The following ZSWIM5 variants were observed in gnomAD, a reference collection of about 807,000 sequenced individuals.
ZSWIM5 encodes the protein zinc finger SWIM domain-containing protein 5.
ZSWIM5 carries 55 observed loss-of-function variants against 119.6 expected under a neutral mutation model. The observed-to-expected ratio is 0.46, with a 90% CI of 0.37 to 0.58. The LOEUF (loss-of-function observed/expected upper bound fraction) is 0.58, where lower values mean the gene tolerates loss of function less well. Among genes scored for constraint, ZSWIM5 ranks in the 20% least tolerant of loss-of-function variants. ZSWIM5 has a pLI of 0.00. For missense variants in ZSWIM5, 1,193 were observed against 1,512.8 expected (o/e 0.79, Z 3.51); for synonymous variants, 537 against 606.9 (o/e 0.88, Z 1.69).
chr1:45,022,829 C>T (rs1257104517), intron 11 of ZSWIM5, among the ~76,000 whole-genome samples: 2 of 152,180 alleles, frequency 1.3e-5, no homozygotes, highest in Admixed American at 6.5e-5. Flanking sequence ...ACCATCATAC[C>T]CTCCCATATA....
intron 7 of ZSWIM5, 26 bp from the exon 8 acceptor site, chr1:45,039,099 A>G (rs1645003363): frequency 6.2e-6 from 10 of 1,613,280 alleles, no homozygotes; most frequent in Non-Finnish European, 8.5e-6. Context: ...TTAAAATTTT[A>G]GACAGTGATA....
At chr1:45,158,862 C>G (rs1324967294) in intron 1 of ZSWIM5, among the ~76,000 whole-genome samples, 2 of 152,074 alleles carry the variant, frequency 1.3e-5, no homozygotes, top group South Asian at 4.1e-4. Flanking sequence ...ATTAATATGT[C>G]TTTCTTTTAT....
Position 45,206,097 on chromosome 1 carries a change from C to T in ZSWIM5, c.254G>A (p.Arg85His), listed in dbSNP as rs776474706. The T allele has an allele frequency of 4.3e-6, 7 of 1,611,816 alleles. No homozygotes were observed. The highest frequency in any genetic ancestry group is 3.3e-5 in the South Asian group (3 of 91,008). ...CACGGGCTCCGGGATCCGCTCGAAG[C>T]GCTCCTCCACCCGTTCGTATGCCCA... Reference protein sequence around the residue: ...EKWAYERVEERFERIPEPVQR... With the variant: ...EKWAYERVEEHFERIPEPVQR... The change falls in exon 1 of 14, where the codon CGC becomes CAC. Residue 85 changes from arginine (R) to histidine (H), a missense_variant. Transcript: ENST00000359600.
At chr1:45,050,982 T>C in intron 5 of ZSWIM5, 92 bp downstream of exon 5, 2 of 1,296,312 alleles carry the variant, frequency 1.5e-6, no homozygotes, top group Non-Finnish European at 1.1e-6. Context: ...TTCTGACAGC[T>C]AAAAGGCTAT....
chr1:45,044,810 T>TATATATAAATATATATATATAA (rs1208024064), intron 5 of ZSWIM5, among the ~76,000 whole-genome samples: 6 of 10,998 alleles, frequency 5.5e-4, no homozygotes, highest in Admixed American at 3.0e-3. Flanking sequence ...TATAAATATA[T>TATATATAAATATATATATATAA]ATATATATAT....
intron 1 of ZSWIM5, among the ~76,000 whole-genome samples, chr1:45,142,106 A>T (rs1312542569): frequency 6.6e-6 from 1 of 152,100 alleles, no homozygotes; most frequent in Non-Finnish European, 1.5e-5. Context: ...GCTACTCAGG[A>T]GAACAAGGTG....
intron 5 of ZSWIM5, among the ~76,000 whole-genome samples, chr1:45,046,106 G>T (rs1645053019): frequency 1.3e-5 from 2 of 152,068 alleles, no homozygotes; most frequent in Admixed American, 1.3e-4. Flanking sequence ...CTAGATCATG[G>T]AGGGCCATGT....
intron 1 of ZSWIM5, among the ~76,000 whole-genome samples, chr1:45,167,303 A>T (rs1037187768): frequency 6.1e-4 from 92 of 151,756 alleles, no homozygotes; most frequent in African/African-American, 2.2e-3. Flanking sequence ...CCTTCCTTAC[A>T]CCTTATACAA....
At chr1:45,085,605 T>C (rs1645322631) in intron 2 of ZSWIM5, among the ~76,000 whole-genome samples, 1 of 150,358 alleles carries the variant, frequency 6.7e-6, no homozygotes, top group Non-Finnish European at 1.5e-5. Flanking sequence ...TCAACACTGC[T>C]GCACAGAAAT....
intron 2 of ZSWIM5, among the ~76,000 whole-genome samples, chr1:45,065,970 T>C (rs1335205968): frequency 6.6e-6 from 1 of 151,816 alleles, no homozygotes; most frequent in Admixed American, 6.6e-5. Flanking sequence ...CATTAACTCG[T>C]CATTTAGTAT....
chr1:45,192,316 ATTCTAC>A (rs1646097667), intron 1 of ZSWIM5, among the ~76,000 whole-genome samples: 2 of 152,246 alleles, frequency 1.3e-5, no homozygotes, highest in Admixed American at 1.3e-4. Context: ...GACAACCTCT[ATTCTAC>A]TTCTATCTCT....
intron 11 of ZSWIM5, among the ~76,000 whole-genome samples, chr1:45,033,955 C>T (rs909900400): frequency 6.6e-6 from 1 of 151,860 alleles, no homozygotes; most frequent in African/African-American, 2.4e-5. Flanking sequence ...CTCTGCCTCA[C>T]GCCATTCTCC....
intron 2 of ZSWIM5, among the ~76,000 whole-genome samples, chr1:45,074,134 T>C (rs1645241881): frequency 6.6e-6 from 1 of 151,984 alleles, no homozygotes. Flanking sequence ...TTCAGTTTGC[T>C]AGTATTTTGT....
chr1:45,019,435 T>C lies in ZSWIM5; in HGVS notation c.2696-119A>G. 3 of 1,379,126 alleles carry C rather than the reference T, an allele frequency of 2.2e-6. No homozygotes were observed. Among genetic ancestry groups the C allele is most frequent in the Non-Finnish European group, 2.9e-6 (3 of 1,032,372 alleles). The allele number at this position is 1,379,126 out of a possible 1,614,324, so 85.4% of individuals were successfully genotyped here. A position where few individuals can be genotyped will look rare whatever the true frequency, so the allele number is the denominator to read the frequency against. On this transcript the variant is annotated intron_variant, in intron 13 of 13. Coordinates refer to ENST00000359600, the MANE Select transcript of ZSWIM5 (RefSeq NM_020883.2). This position sits in a 1 kb window ranked among gnomAD's most constrained non-coding sequence, Gnocchi z 5.0. ...GATGAATTCTTCCTCCTCAGCAACC[T>C]TGAGATGATATGAGGCAAACCAGGG...
intron 1 of ZSWIM5, among the ~76,000 whole-genome samples, chr1:45,095,657 A>G (rs1645396485): frequency 6.6e-6 from 1 of 152,180 alleles, no homozygotes; most frequent in Non-Finnish European, 1.5e-5. Context: ...CAGGAGACAT[A>G]TAACGCCTGA....
intron 1 of ZSWIM5, among the ~76,000 whole-genome samples, chr1:45,098,608 C>T: frequency 6.6e-6 from 1 of 152,214 alleles, no homozygotes; most frequent in East Asian, 1.9e-4. Flanking sequence ...CTTCTCAGCA[C>T]CACATCGCAC....
At chr1:45,094,065 ATTTATTTTT>A (rs1645384092) in intron 1 of ZSWIM5, among the ~76,000 whole-genome samples, 1 of 141,346 alleles carries the variant, frequency 7.1e-6, no homozygotes, top group African/African-American at 2.7e-5. Flanking sequence ...TTATTTATTT[ATTTATTTTT>A]GAGACGGAGT....
At chr1:45,153,543 A>T (rs181290257) in intron 1 of ZSWIM5, among the ~76,000 whole-genome samples, 188 of 151,908 alleles carry the variant, frequency 1.2e-3, no homozygotes, top group Non-Finnish European at 2.4e-3. Flanking sequence ...AATTACTATT[A>T]GACTCCCCAA....
chr1:45,159,768 T>C (rs1420135996), intron 1 of ZSWIM5, among the ~76,000 whole-genome samples: 2 of 152,122 alleles, frequency 1.3e-5, no homozygotes, highest in Non-Finnish European at 2.9e-5. Flanking sequence ...TTTGTATTTT[T>C]AGAAGAGATG....
Sources: gnomAD v4.1 joint callset for allele counts (sites outside exome capture counted in the v4.1 genomes callset) on GRCh38, gnomAD v4.1.1 for gene constraint, Gnocchi (gnomAD v3.1) non-coding constraint, MANE v1.5 for transcripts, NCBI Gene and HGNC (gene_info 2026-07-23, HGNC 2026-07-21) for gene names.